DLGAP1: variants seen among roughly 807,000 people sequenced by gnomAD.
DLGAP1 encodes DLG associated protein 1.
In DLGAP1, 11 loss-of-function variants were observed where a neutral mutation model predicts 90.8. That is an observed-to-expected ratio of 0.12 (90% CI 0.08 to 0.20). DLGAP1 has a LOEUF of 0.20. Ranked by LOEUF, DLGAP1 falls within the 10% of genes least tolerant of loss-of-function variation. The pLI is 1.00. For missense variants in DLGAP1, 1,050 were observed against 1,333.8 expected (o/e 0.79, Z 3.31); for synonymous variants, 558 against 540.7 (o/e 1.03, Z -0.44).
At chr18:3,672,263 C>T (rs1261525190) in intron 7 of DLGAP1, among the ~76,000 whole-genome samples, 1 of 150,908 alleles carries the variant, frequency 6.6e-6, no homozygotes, top group African/African-American at 2.4e-5. Flanking sequence ...TGCTCTTTGG[C>T]TTCTACTTAT....
intron 1 of DLGAP1, among the ~76,000 whole-genome samples, chr18:4,450,315 A>G (rs2083789186): frequency 6.6e-6 from 1 of 152,196 alleles, no homozygotes; most frequent in Non-Finnish European, 1.5e-5. Context: ...GGGTGTAATC[A>G]TGAGGTTAGA....
intron 2 of DLGAP1, among the ~76,000 whole-genome samples, chr18:4,017,575 A>G (rs964000781): frequency 2.0e-5 from 3 of 152,236 alleles, no homozygotes; most frequent in Admixed American, 2.0e-4. Context: ...ATTTCTGGAA[A>G]CCCAATGTAG....
chr18:3,713,139 G>A (rs760575854), intron 7 of DLGAP1, among the ~76,000 whole-genome samples: 4 of 152,182 alleles, frequency 2.6e-5, no homozygotes, highest in African/African-American at 7.2e-5. Flanking sequence ...GTACAGCCTG[G>A]GTTCGTGTGG....
At chr18:4,245,035 A>G (rs1044454286) in intron 1 of DLGAP1, among the ~76,000 whole-genome samples, 4 of 152,200 alleles carry the variant, frequency 2.6e-5, no homozygotes, top group African/African-American at 7.2e-5. Context: ...TTTATAGGTT[A>G]AAAGTGATCT....
chr18:3,790,139 A>T (rs1019798332), intron 5 of DLGAP1, among the ~76,000 whole-genome samples: 1 of 152,200 alleles, frequency 6.6e-6, no homozygotes, highest in Non-Finnish European at 1.5e-5. Context: ...TCCAAAAAAA[A>T]TTTTAGAATG....
chr18:4,142,733 G>A (rs111777820), intron 2 of DLGAP1, among the ~76,000 whole-genome samples: 4,617 of 152,192 alleles, frequency 0.03, 98 homozygotes, highest in Middle Eastern at 0.068. Context: ...CTGTCCTTTG[G>A]AATGCTCTCC....
intron 5 of DLGAP1, among the ~76,000 whole-genome samples, chr18:3,802,818 G>C (rs969958227): frequency 2.0e-5 from 3 of 152,162 alleles, no homozygotes; most frequent in African/African-American, 7.2e-5. Flanking sequence ...AGAAGTCTTG[G>C]TTGAGAGTGA....
chr18:3,838,160 T>C (rs1369832183), intron 4 of DLGAP1, among the ~76,000 whole-genome samples: 1 of 152,194 alleles, frequency 6.6e-6, no homozygotes, highest in East Asian at 1.9e-4. Context: ...TTCCTGATGT[T>C]TTCATCTAAG....
chr18:3,844,964 A>T (rs1224783240), intron 4 of DLGAP1, among the ~76,000 whole-genome samples: 1 of 152,184 alleles, frequency 6.6e-6, no homozygotes, highest in African/African-American at 2.4e-5. Flanking sequence ...CATACTATAG[A>T]TGATAAAAAT....
intron 1 of DLGAP1, among the ~76,000 whole-genome samples, chr18:4,216,418 A>C (rs1285251377): frequency 6.6e-6 from 1 of 152,032 alleles, no homozygotes; most frequent in African/African-American, 2.4e-5. Context: ...ACACTCTTTA[A>C]TTTTCTACCT....
At chr18:3,741,510 TACC>T (rs996865918) in intron 6 of DLGAP1, among the ~76,000 whole-genome samples, 3 of 141,760 alleles carry the variant, frequency 2.1e-5, no homozygotes, top group Non-Finnish European at 3.1e-5. Context: ...TCACCATAAT[TACC>T]ACCACCATCA....
At chr18:3,748,320 G>A (rs1318044802) in intron 5 of DLGAP1, among the ~76,000 whole-genome samples, 12 of 152,236 alleles carry the variant, frequency 7.9e-5, no homozygotes, top group Non-Finnish European at 2.9e-5. Context: ...AGCGTGTACA[G>A]TAATCATCAG....
intron 1 of DLGAP1, among the ~76,000 whole-genome samples, chr18:4,276,674 G>A (rs2079423984): frequency 6.6e-6 from 1 of 151,648 alleles, no homozygotes; most frequent in African/African-American, 2.4e-5. Flanking sequence ...TCTCATAGGA[G>A]TATTTCATGG....
chr18:4,348,809 T>C (rs1258838468), intron 1 of DLGAP1, among the ~76,000 whole-genome samples: 1 of 152,142 alleles, frequency 6.6e-6, no homozygotes, highest in African/African-American at 2.4e-5. Flanking sequence ...TAATGAAGTT[T>C]ATCTCATGGA....
chr18:4,107,802 T>A (rs569863811), intron 2 of DLGAP1, among the ~76,000 whole-genome samples: 5 of 152,190 alleles, frequency 3.3e-5, no homozygotes, highest in Non-Finnish European at 7.4e-5. Context: ...ATTGCCAGAT[T>A]CTATTTCCTT....
chr18:3,622,890 C>T (rs1181999132), intron 7 of DLGAP1, among the ~76,000 whole-genome samples: 3 of 152,094 alleles, frequency 2.0e-5, no homozygotes, highest in Non-Finnish European at 4.4e-5. Flanking sequence ...TTGCAACCTC[C>T]GCCTCCCAGG....
intron 10 of DLGAP1, among the ~76,000 whole-genome samples, chr18:3,512,855 T>C (rs1205595050): frequency 6.6e-6 from 1 of 151,806 alleles, no homozygotes; most frequent in Non-Finnish European, 1.5e-5. Flanking sequence ...GATTTCCTTC[T>C]TTTTTTTCTT....
At chr18:3,611,576 C>T (rs2057630080) in intron 7 of DLGAP1, among the ~76,000 whole-genome samples, 1 of 152,164 alleles carries the variant, frequency 6.6e-6, no homozygotes, top group African/African-American at 2.4e-5. Flanking sequence ...CGCGTCCCCG[C>T]CTCCCACCTC....
At chr18:4,083,023 G>A (rs1044213882) in intron 2 of DLGAP1, among the ~76,000 whole-genome samples, 9 of 152,072 alleles carry the variant, frequency 5.9e-5, no homozygotes, top group Non-Finnish European at 8.8e-5. Flanking sequence ...TGCCATGGCC[G>A]TTTCAGGCTA....
Sources: gnomAD v4.1 joint callset for allele counts (sites outside exome capture counted in the v4.1 genomes callset) on GRCh38, gnomAD v4.1.1 for gene constraint, MANE v1.5 for transcripts, NCBI Gene and HGNC (gene_info 2026-07-23, HGNC 2026-07-21) for gene names.